Variants in COL1A2 observed in about 807,000 individuals in gnomAD.
COL1A2 encodes the protein collagen alpha-2(I) chain.
A neutral mutation model predicts 174.3 loss-of-function variants in COL1A2; 49 were observed. That is an observed-to-expected ratio of 0.28 (90% CI 0.22 to 0.36). COL1A2 has a LOEUF of 0.36. COL1A2 is among the 10% of genes least tolerant of loss of function. The pLI is 1.00. For missense variants in COL1A2, 1,438 were observed against 1,822.7 expected, an observed-to-expected ratio of 0.79 and a Z score of 3.84; for synonymous variants, 655 against 606.6, an observed-to-expected ratio of 1.08 and a Z score of -1.17.
chr7:94,407,732 G>T, intron 12 of COL1A2, 115 bp from the exon 13 acceptor site: 1 of 869,016 alleles, frequency 1.2e-6, no homozygotes, highest in Non-Finnish European at 1.8e-6. Context: ...ATATGTGTAA[G>T]AAATATTATG....
At position 94,430,401 on chromosome 7, in the gene COL1A2, C is replaced by G. The variant is rs778612644; in HGVS notation, c.*8C>G. ...CCAGTCTGTTTCAAATAAATGAACTCAATCTAAATTAAAAAAGAAAGAAAT... is the reference window on the plus strand; with the variant it reads ...CCAGTCTGTTTCAAATAAATGAACTGAATCTAAATTAAAAAAGAAAGAAAT... On this transcript the variant is annotated 3_prime_UTR_variant, in exon 52 of 52. Coordinates refer to ENST00000297268, the MANE Select transcript of COL1A2 (RefSeq NM_000089.4). 1.1e-5 allele frequency: 18 copies of G among 1,612,674 alleles called. No individual in the cohort carries two copies. Among genetic ancestry groups the G allele is most frequent in the Non-Finnish European group, 1.5e-5 (18 of 1,179,580 alleles).
intron 41 of COL1A2, chr7:94,424,818 C>T: frequency 2.1e-6 from 1 of 479,124 alleles, no homozygotes; most frequent in Non-Finnish European, 3.8e-6. Context: ...CAACTAGAAA[C>T]CATCTCATCT....
chr7:94,423,370 G>T (rs1029941715), intron 40 of COL1A2: 2 of 491,974 alleles, frequency 4.1e-6, no homozygotes, highest in East Asian at 4.0e-5. Flanking sequence ...GCTATTGAAG[G>T]CACCTTACTG....
At chr7:94,424,890 A>T in intron 41 of COL1A2, 1 of 572,312 alleles carries the variant, frequency 1.7e-6, no homozygotes, top group Non-Finnish European at 3.1e-6. Context: ...CACGAGGCTC[A>T]CTTTTTACAG....
chr7:94,401,721 C>A, intron 6 of COL1A2, 101 bp downstream of exon 6: 1 of 744,248 alleles, frequency 1.3e-6, no homozygotes, highest in Non-Finnish European at 2.3e-6. Context: ...TAAGTTAACA[C>A]TCAATACTTA....
Position 94,425,109 on chromosome 7 carries a change from C to G in COL1A2, c.2674-8C>G. 1.2e-6 allele frequency: 2 copies of G among 1,612,810 alleles called. No homozygotes were observed. The highest frequency in any genetic ancestry group is 1.7e-6 in the Non-Finnish European group (2 of 1,178,834). Reference sequence around the variant, plus strand: ...GGGAATGTCATTTTATCTTCTCTGCCTGTTTAGGGTGAACCTGGTCCTCTT... The same window carrying G: ...GGGAATGTCATTTTATCTTCTCTGCGTGTTTAGGGTGAACCTGGTCCTCTT... On this transcript the variant is annotated splice_polypyrimidine_tract_variant and splice_region_variant and intron_variant, in intron 41 of 51. Transcript: ENST00000297268.
chr7:94,395,332 A>G (rs1437657633), intron 1 of COL1A2: 1 of 614,794 alleles, frequency 1.6e-6, no homozygotes, highest in African/African-American at 1.8e-5. Flanking sequence ...GTTCAGAGTG[A>G]GACAGTTAAC....
At chr7:94,395,401 G>C (rs1791562966) in intron 1 of COL1A2, 2 of 404,614 alleles carry the variant, frequency 4.9e-6, no homozygotes, top group Non-Finnish European at 9.3e-6. Flanking sequence ...TTTTCCCTAA[G>C]GATGAGATAT....
chr7:94,406,399 C>A (rs1791798185), intron 12 of COL1A2, 96 bp downstream of exon 12: 3 of 1,111,242 alleles, frequency 2.7e-6, no homozygotes, highest in Admixed American at 1.8e-5. Flanking sequence ...ACCCATATTA[C>A]AAAAAGTATT....
intron 23 of COL1A2, among the ~76,000 whole-genome samples, 165 bp downstream of exon 23, chr7:94,411,319 T>G (rs1292188035): frequency 1.3e-5 from 2 of 152,214 alleles, no homozygotes; most frequent in African/African-American, 2.4e-5. Context: ...GATATTTTCA[T>G]GCATTTAATT....
chr7:94,409,421 G>A lies in COL1A2; in HGVS notation c.891+1G>A. ...CCTCTCCGGCCCCGTTGGACCTCCTGTAAGTAGCCACTGTCTTTAAACTTT... is the reference window on the plus strand; with the variant it reads ...CCTCTCCGGCCCCGTTGGACCTCCTATAAGTAGCCACTGTCTTTAAACTTT... On this transcript the variant is annotated splice_donor_variant, in intron 17 of 51. Coordinates refer to ENST00000297268, the MANE Select transcript of COL1A2 (RefSeq NM_000089.4). LOFTEE classifies it high-confidence loss of function. 1.2e-6 allele frequency: 2 copies of A among 1,614,132 alleles called. No homozygotes were observed. The highest frequency in any genetic ancestry group is 1.7e-6 in the Non-Finnish European group (2 of 1,179,972).
chr7:94,409,935 G>A (rs1315800118), intron 19 of COL1A2, 114 bp downstream of exon 19: 1 of 1,079,152 alleles, frequency 9.3e-7, no homozygotes, highest in Non-Finnish European at 1.4e-6. Context: ...CTCTTCCTTA[G>A]CATTTTTAGT....
chr7:94,405,185 G>C lies in COL1A2; in HGVS notation c.433-14G>C, dbSNP rs1465833801. The stretch of plus-strand genomic sequence containing the variant: ...ACCAAGAAGAAGTTGACTCTACAAT[G>C]TTTTCATGTTTAGGGTCACCCTGGA... On this transcript the variant is annotated splice_polypyrimidine_tract_variant and intron_variant, in intron 9 of 51. Coordinates refer to ENST00000297268, the MANE Select transcript of COL1A2 (RefSeq NM_000089.4). 2 of 1,613,714 alleles carry C rather than the reference G, an allele frequency of 1.2e-6. No individual in the cohort carries two copies. The highest frequency in any genetic ancestry group is 8.5e-7 in the Non-Finnish European group (1 of 1,179,762).
chr7:94,407,982 T>C, intron 13 of COL1A2, 91 bp downstream of exon 13: 2 of 1,285,138 alleles, frequency 1.6e-6, no homozygotes, highest in East Asian at 2.4e-5. Context: ...ACTGTATCCT[T>C]CAGCATTGTA....
intron 30 of COL1A2, among the ~76,000 whole-genome samples, chr7:94,415,539 T>C (rs1792022633): frequency 6.6e-6 from 1 of 152,216 alleles, no homozygotes; most frequent in Non-Finnish European, 1.5e-5. Flanking sequence ...ACAACTATGC[T>C]ACATTTGTGA....
At chr7:94,425,493 C>T in intron 42 of COL1A2, 117 bp from the exon 43 acceptor site, 1 of 1,112,426 alleles carries the variant, frequency 9.0e-7, no homozygotes, top group Non-Finnish European at 1.4e-6. Context: ...TTTTAACAGT[C>T]TGAAAGAGGG....
At chr7:94,406,550 T>G (rs1019997461) in intron 12 of COL1A2, among the ~76,000 whole-genome samples, 1 of 152,202 alleles carries the variant, frequency 6.6e-6, no homozygotes, top group Non-Finnish European at 1.5e-5. Flanking sequence ...AATAGTTTCT[T>G]GTTCCATTTC....
At position 94,425,839 on chromosome 7, in the gene COL1A2, T is replaced by C. The variant is rs754497392; in HGVS notation, c.2925T>C (p.His975=). The C allele has an allele frequency of 3.1e-6, 5 of 1,611,056 alleles. No homozygotes were observed. Among genetic ancestry groups the C allele is most frequent in the Non-Finnish European group, 2.5e-6 (3 of 1,178,724 alleles). The change falls in exon 44 of 52, where the codon CAT becomes CAC. Residue 975 remains histidine (H), a synonymous_variant. Coordinates refer to ENST00000297268, the MANE Select transcript of COL1A2 (RefSeq NM_000089.4). ...GCCCCGTGGGTCCTGCTGGCAAACA[T>C]GGAAACCGTGGTGAAACTGTAAGTT... ...PHGPVGPAGK[H]GNRGETGPSG...
chr7:94,406,264 G>A lies in COL1A2; in HGVS notation c.555G>A (p.Leu185=). 4 of 1,613,870 alleles carry A rather than the reference G, an allele frequency of 2.5e-6. No individual in the cohort carries two copies. Among genetic ancestry groups the A allele is most frequent in the Non-Finnish European group, 3.4e-6 (4 of 1,179,830 alleles). The part of the protein sequence containing the change: ...GFKGIRGHNG[L]DGLKGQPGAP... ...TTTCCTTTCAGGGACACAATGGTCT[G>A]GATGGATTGAAGGGACAGCCCGGTG... The change falls in exon 12 of 52, where the codon CTG becomes CTA. Residue 185 remains leucine (L), a synonymous_variant. Transcript: ENST00000297268.
Sources: gnomAD v4.1 joint callset for allele counts (sites outside exome capture counted in the v4.1 genomes callset) on GRCh38, gnomAD v4.1.1 for gene constraint, MANE v1.5 for transcripts, NCBI Gene and HGNC (gene_info 2026-07-23, HGNC 2026-07-21) for gene names.